The following TMOD3 variants were observed in gnomAD, a reference collection of about 807,000 sequenced individuals.
TMOD3 encodes tropomodulin-3.
Under a neutral mutation model 39.2 loss-of-function variants are expected in TMOD3, and 20 were observed. That is an observed-to-expected ratio of 0.51 (90% CI 0.36 to 0.74). TMOD3 has a LOEUF of 0.74. Ranked by LOEUF, TMOD3 falls within the 30% of genes least tolerant of loss-of-function variation. The pLI is 0.00. For synonymous variants in TMOD3, 143 were observed against 145.8 expected, an observed-to-expected ratio of 0.98 and a Z score of 0.14; for missense variants, 381 against 412.8, an observed-to-expected ratio of 0.92 and a Z score of 0.67.
At chr15:51,883,596 G>A (rs973297106) in intron 3 of TMOD3, among the ~76,000 whole-genome samples, 11 of 152,122 alleles carry the variant, frequency 7.2e-5, no homozygotes, top group African/African-American at 2.7e-4. Context: ...CAAGTAGCTT[G>A]TATAGTTTTG....
chr15:51,879,925 TTAA>T (rs1279829644), intron 3 of TMOD3, among the ~76,000 whole-genome samples: 1 of 149,324 alleles, frequency 6.7e-6, no homozygotes, highest in Admixed American at 6.7e-5. Flanking sequence ...GAATAAGGAA[TTAA>T]TGTGTGTCTA....
intron 7 of TMOD3, among the ~76,000 whole-genome samples, chr15:51,897,899 A>G (rs1375876969): frequency 6.6e-6 from 1 of 151,486 alleles, no homozygotes; most frequent in African/African-American, 2.4e-5. Context: ...ACTTCTCACC[A>G]TTTTCACAAC....
At chr15:51,905,810 G>C (rs1056654472) in intron 9 of TMOD3, among the ~76,000 whole-genome samples, 1 of 151,688 alleles carries the variant, frequency 6.6e-6, no homozygotes, top group African/African-American at 2.4e-5. Flanking sequence ...TGGGCGCGGT[G>C]GCGGGCGCCT....
Position 51,887,676 on chromosome 15 carries a change from CA to C in TMOD3, c.373del (p.Ser125ValfsTer19), listed in dbSNP as rs1449195937. 1 of 1,613,944 alleles carries C rather than the reference CA, an allele frequency of 6.2e-7. No individual in the cohort carries two copies. Among genetic ancestry groups the C allele is most frequent in the African/African-American group, 1.3e-5 (1 of 75,044 alleles). On this transcript the variant is annotated frameshift_variant, in exon 4 of 10. Transcript: ENST00000308580. LOFTEE classifies it high-confidence loss of function. The part of the protein sequence containing the change: ...SLDPELEEAL[T>X]SASDTELCDL... ...GATCCAGAATTAGAAGAAGCTTTGA[CA>C]AGTGCTTCTGATACAGAATTGTGTG...
At chr15:51,876,609 C>T (rs2056505147) in intron 3 of TMOD3, among the ~76,000 whole-genome samples, 1 of 151,966 alleles carries the variant, frequency 6.6e-6, no homozygotes, top group East Asian at 1.9e-4. Context: ...CTACAGGCAC[C>T]TGCCACCTCG....
chr15:51,885,696 A>G (rs563266869), intron 3 of TMOD3, among the ~76,000 whole-genome samples: 1 of 152,224 alleles, frequency 6.6e-6, no homozygotes, highest in Non-Finnish European at 1.5e-5. Flanking sequence ...CTCTTTCTAC[A>G]CAGACACAGC....
chr15:51,904,997 A>G (rs1301501904), intron 9 of TMOD3, among the ~76,000 whole-genome samples: 1 of 152,200 alleles, frequency 6.6e-6, no homozygotes. Context: ...CTAGATTTTC[A>G]AACGTGGGTC....
intron 7 of TMOD3, among the ~76,000 whole-genome samples, chr15:51,897,129 C>A (rs889391314): frequency 6.6e-6 from 1 of 152,220 alleles, no homozygotes; most frequent in African/African-American, 2.4e-5. Context: ...TCTCAAAGCC[C>A]TGTACTGGTT....
At chr15:51,888,935 G>T (rs2056578971) in intron 4 of TMOD3, 121 bp from the exon 5 acceptor site, 1 of 625,044 alleles carries the variant, frequency 1.6e-6, no homozygotes, top group Non-Finnish European at 2.8e-6. Context: ...TTCTGTGTGG[G>T]TGTGTGATCT....
Position 51,887,718 on chromosome 15 carries a change from C to A in TMOD3, c.406+7C>A. On this transcript the variant is annotated splice_region_variant and intron_variant, in intron 4 of 9. Transcript: ENST00000308580. ...GAATTGTGTGACCTCGCAGGTATCACCTAAAACAAGTTAATTTGTGAATAA... is the reference window on the plus strand; with the variant it reads ...GAATTGTGTGACCTCGCAGGTATCAACTAAAACAAGTTAATTTGTGAATAA... The A allele has an allele frequency of 3.7e-6, 6 of 1,613,242 alleles. No homozygotes were observed. Among genetic ancestry groups the A allele is most frequent in the Non-Finnish European group, 5.1e-6 (6 of 1,179,824 alleles).
intron 1 of TMOD3, chr15:51,833,561 T>G (rs1328153266): frequency 9.9e-5 from 15 of 152,270 alleles, no homozygotes; most frequent in Non-Finnish European, 2.2e-4. Context: ...TCCATAGATT[T>G]CTGACACTAC....
At position 51,878,347 on chromosome 15, in the gene TMOD3, A is replaced by G. The variant is rs139441133; in HGVS notation, c.283+8974A>G. 5.7e-3 allele frequency among the ~76,000 whole-genome samples: 864 copies of G among 150,426 alleles called. 6 individuals carry two copies. The highest frequency in any genetic ancestry group is 0.02 in the African/African-American group (812 of 40,552). On this transcript the variant is annotated intron_variant, in intron 3 of 9. Transcript: ENST00000308580. The stretch of plus-strand genomic sequence containing the variant: ...AAAGAGTTCAAGACCAACCTGGCCA[A>G]CATAACAAGAACCATCTCTTTAAAA...
Position 51,900,675 on chromosome 15 carries a change from G to C in TMOD3, c.879+377G>C, listed in dbSNP as rs1215537693. Among the ~76,000 whole-genome samples, 7 of 152,052 alleles carry C rather than the reference G, an allele frequency of 4.6e-5. 1 individual carries two copies. The highest frequency in any genetic ancestry group is 1.0e-4 in the Non-Finnish European group (7 of 68,008). ...GTTAGAAATGTTTCCATCCAGAGTA[G>C]CTATTAATTTTTTTATTTGAAAAAA... is the stretch of plus-strand genomic sequence containing the variant. On this transcript the variant is annotated intron_variant, in intron 8 of 9. Transcript: ENST00000308580.
At chr15:51,831,266 A>C (rs1006016210) in intron 1 of TMOD3, among the ~76,000 whole-genome samples, 2 of 152,222 alleles carry the variant, frequency 1.3e-5, no homozygotes, top group Non-Finnish European at 2.9e-5. Flanking sequence ...CAATATGCCA[A>C]CCTACATTGT....
At chr15:51,860,998 AGGC>A in intron 1 of TMOD3, 2 of 605,954 alleles carry the variant, frequency 3.3e-6, no homozygotes, top group Non-Finnish European at 6.0e-6. Flanking sequence ...CTCTTTGCTG[AGGC>A]ACTTCGGAAA....
Position 51,908,961 on chromosome 15 carries a change from A to ATTGTTGTTATC in TMOD3, c.*151_*152insTTGTTGTTATC, listed in dbSNP as rs2056696812. Reference sequence around the variant, plus strand: ...TTTTTTTTAGTTGTTATCAAATTGTAAAATCAGTAATGTGATATTTTATAT... The same window carrying ATTGTTGTTATC: ...TTTTTTTTAGTTGTTATCAAATTGTATTGTTGTTATCAAATCAGTAATGTGATATTTTATAT... On this transcript the variant is annotated 3_prime_UTR_variant, in exon 10 of 10. Transcript: ENST00000308580. 1 of 464,898 alleles carries ATTGTTGTTATC rather than the reference A, an allele frequency of 2.2e-6. No homozygotes were observed. The highest frequency in any genetic ancestry group is 2.0e-5 in the African/African-American group (1 of 49,626). 28.8% of individuals were successfully genotyped at this position (464,898 alleles called of 1,614,324 possible).
chr15:51,896,243 A>G (rs558776927), intron 6 of TMOD3, among the ~76,000 whole-genome samples, 176 bp from the exon 7 acceptor site: 4 of 152,334 alleles, frequency 2.6e-5, no homozygotes, highest in African/African-American at 7.2e-5. Context: ...ATCGTAGATA[A>G]GTCAGATAAT....
intron 3 of TMOD3, among the ~76,000 whole-genome samples, chr15:51,887,248 GTTT>G (rs35778880): frequency 3.6e-5 from 5 of 137,678 alleles, no homozygotes; most frequent in Non-Finnish European, 7.7e-5. Flanking sequence ...ATTGGATTCT[GTTT>G]TTTTTTTTTT....
chr15:51,890,320 G>A (rs1000837694), intron 5 of TMOD3, among the ~76,000 whole-genome samples: 7 of 149,780 alleles, frequency 4.7e-5, no homozygotes, highest in Non-Finnish European at 7.4e-5. Flanking sequence ...ACAGGTGCAC[G>A]CCACCTTGTC....
Sources: gnomAD v4.1 joint callset for allele counts (sites outside exome capture counted in the v4.1 genomes callset) on GRCh38, gnomAD v4.1.1 for gene constraint, MANE v1.5 for transcripts, NCBI Gene and HGNC (gene_info 2026-07-23, HGNC 2026-07-21) for gene names.